Variants in ENTREP2 observed in about 807,000 individuals in gnomAD.
The protein encoded by ENTREP2 is protein ENTREP2.
At chr15:29,416,031 T>C in the ENTREP2 span, among the ~76,000 whole-genome samples, 1 of 152,200 alleles carries the variant, frequency 6.6e-6, no homozygotes, top group Non-Finnish European at 1.5e-5. Flanking sequence ...TCCATGCTCA[T>C]GGGTAGGAAG....
chr15:29,278,833 C>A, the ENTREP2 span, among the ~76,000 whole-genome samples: 12 of 152,204 alleles, frequency 7.9e-5, no homozygotes, highest in African/African-American at 2.7e-4. Context: ...GGGGCTGCCA[C>A]AGCAGAATAC....
chr15:29,653,210 C>T, the ENTREP2 span, among the ~76,000 whole-genome samples: 1 of 152,202 alleles, frequency 6.6e-6, no homozygotes, highest in South Asian at 2.1e-4. Flanking sequence ...AGCAGCTACC[C>T]AAGTACTTTG....
chr15:29,331,362 C>T, the ENTREP2 span, among the ~76,000 whole-genome samples: 3 of 151,898 alleles, frequency 2.0e-5, no homozygotes, highest in Non-Finnish European at 4.4e-5. Flanking sequence ...ACCTCTCATA[C>T]TACCCTGTCA....
the ENTREP2 span, among the ~76,000 whole-genome samples, chr15:29,559,576 C>T: frequency 7.9e-3 from 1,204 of 152,212 alleles, 10 homozygotes; most frequent in Non-Finnish European, 0.012. Context: ...CTCCTGGGGG[C>T]TCCAGGAGAG....
the ENTREP2 span, among the ~76,000 whole-genome samples, chr15:29,473,001 C>A: frequency 6.6e-6 from 1 of 152,008 alleles, no homozygotes; most frequent in Non-Finnish European, 1.5e-5. Flanking sequence ...CAAAGTAGTC[C>A]CAAGAGGCCA....
chr15:29,337,820 T>C, the ENTREP2 span, among the ~76,000 whole-genome samples: 1 of 152,128 alleles, frequency 6.6e-6, no homozygotes, highest in Non-Finnish European at 1.5e-5. Flanking sequence ...ACAGAGACAG[T>C]AGCAATTTCC....
At chr15:29,576,805 C>CT in the ENTREP2 span, among the ~76,000 whole-genome samples, 11 of 152,100 alleles carry the variant, frequency 7.2e-5, no homozygotes, top group African/African-American at 2.2e-4. Context: ...ATATTATTAA[C>CT]TTGTTTTTGT....
chr15:29,359,104 CA>C, the ENTREP2 span, among the ~76,000 whole-genome samples: 9 of 152,108 alleles, frequency 5.9e-5, no homozygotes, highest in Middle Eastern at 3.2e-3. Context: ...AACATCCAAA[CA>C]GAGCAAAATG....
the ENTREP2 span, among the ~76,000 whole-genome samples, chr15:29,442,876 T>C: frequency 1.3e-5 from 2 of 152,132 alleles, no homozygotes; most frequent in Non-Finnish European, 2.9e-5. Flanking sequence ...ACTTGATCTG[T>C]TCACATAACA....
At chr15:29,309,956 G>A in the ENTREP2 span, among the ~76,000 whole-genome samples, 1 of 152,114 alleles carries the variant, frequency 6.6e-6, no homozygotes, top group South Asian at 2.1e-4. Flanking sequence ...GGGAAACACG[G>A]GGCCTGGGAG....
chr15:29,674,138 G>GGT, the ENTREP2 span, among the ~76,000 whole-genome samples: 6 of 149,880 alleles, frequency 4.0e-5, no homozygotes, highest in African/African-American at 9.8e-5. Flanking sequence ...TGGGGGGGGG[G>GGT]GGGGGCTTTG....
the ENTREP2 span, among the ~76,000 whole-genome samples, chr15:29,363,128 G>C: frequency 2.0e-5 from 3 of 151,928 alleles, no homozygotes; most frequent in Admixed American, 6.6e-5. Flanking sequence ...ATAAATGAAA[G>C]CTTCATCTTT....
the ENTREP2 span, among the ~76,000 whole-genome samples, chr15:29,615,221 T>C: frequency 1.3e-5 from 2 of 151,814 alleles, no homozygotes; most frequent in South Asian, 4.2e-4. Flanking sequence ...AATGGTGCGA[T>C]CTCAGCTCAC....
the ENTREP2 span, among the ~76,000 whole-genome samples, chr15:29,222,852 A>C: frequency 6.6e-6 from 1 of 152,186 alleles, no homozygotes. Context: ...CATAAATACA[A>C]AGCAATAAAG....
the ENTREP2 span, among the ~76,000 whole-genome samples, chr15:29,207,788 C>T: frequency 6.6e-6 from 1 of 152,186 alleles, no homozygotes; most frequent in Admixed American, 6.5e-5. Context: ...CCTGTTTGTT[C>T]CTGGAGAGGT....
chr15:29,559,677 T>C, the ENTREP2 span, among the ~76,000 whole-genome samples: 3 of 152,108 alleles, frequency 2.0e-5, no homozygotes, highest in Non-Finnish European at 4.4e-5. Flanking sequence ...GTCACTGCGT[T>C]CATCATCCCA....
the ENTREP2 span, among the ~76,000 whole-genome samples, chr15:29,320,261 T>C: frequency 1.3e-5 from 2 of 151,970 alleles, no homozygotes; most frequent in Non-Finnish European, 2.9e-5. Flanking sequence ...CAAATTACAG[T>C]TGAAGGAGCT....
the ENTREP2 span, among the ~76,000 whole-genome samples, chr15:29,626,178 T>C: frequency 6.6e-6 from 1 of 152,194 alleles, no homozygotes; most frequent in Non-Finnish European, 1.5e-5. Flanking sequence ...GTTGATCTTG[T>C]ATCTTCAAAC....
chr15:29,646,657 A>G, the ENTREP2 span, among the ~76,000 whole-genome samples: 170 of 152,314 alleles, frequency 1.1e-3, no homozygotes, highest in African/African-American at 3.9e-3. Context: ...CTGAATCTTA[A>G]GTTCAGCTGA....
Sources: allele counts gnomAD v4.1 joint callset (sites outside exome capture counted in the v4.1 genomes callset), GRCh38; gene constraint gnomAD v4.1.1; transcripts MANE v1.5; gene names NCBI Gene and HGNC (gene_info 2026-07-23, HGNC 2026-07-21).